The following STXBP3 variants were observed in gnomAD, a reference collection of about 807,000 sequenced individuals.
STXBP3 encodes the protein syntaxin-binding protein 3.
A neutral mutation model predicts 85.7 loss-of-function variants in STXBP3; 41 were observed. The observed-to-expected ratio is 0.48, with a 90% CI of 0.37 to 0.62. The LOEUF (loss-of-function observed/expected upper bound fraction) is 0.62. Ranked by LOEUF, STXBP3 falls within the 20% of genes least tolerant of loss-of-function variation. STXBP3 has a pLI of 0.00. For synonymous variants in STXBP3, 229 were observed against 231.7 expected (o/e 0.99, Z 0.10); for missense variants, 563 against 703.1 (o/e 0.80, Z 2.25).
At chr1:108,753,322 G>A (rs902868134) in intron 3 of STXBP3, 178 bp downstream of exon 3, 4 of 343,964 alleles carry the variant, frequency 1.2e-5, no homozygotes, top group South Asian at 7.6e-5. Flanking sequence ...TCCCTCAGCC[G>A]AGACATATAA....
At chr1:108,782,592 T>C in intron 10 of STXBP3, 57 bp from the exon 11 acceptor site, 2 of 1,599,544 alleles carry the variant, frequency 1.3e-6, no homozygotes, top group South Asian at 2.3e-5. Flanking sequence ...AACCTTAAAA[T>C]AGTTCTGTAA....
At chr1:108,782,583 A>G (rs1334424587) in intron 10 of STXBP3, 66 bp downstream of exon 10, 24 of 1,596,368 alleles carry the variant, frequency 1.5e-5, no homozygotes, top group Non-Finnish European at 2.0e-5. Flanking sequence ...ACATTTTGTA[A>G]CCTTAAAATA....
chr1:108,778,487 A>G (rs1296061670), intron 8 of STXBP3, among the ~76,000 whole-genome samples: 1 of 152,208 alleles, frequency 6.6e-6, no homozygotes, highest in Non-Finnish European at 1.5e-5. Context: ...GCAAACCTGC[A>G]TTTGAATCTC....
chr1:108,799,346 T>G (rs1386494322), intron 16 of STXBP3, among the ~76,000 whole-genome samples: 3 of 152,214 alleles, frequency 2.0e-5, no homozygotes, highest in Non-Finnish European at 4.4e-5. Flanking sequence ...GTTTTTTGTT[T>G]TTTTGTTTTT....
chr1:108,776,215 A>AT (rs1390203152), intron 7 of STXBP3, 118 bp from the exon 8 acceptor site: 8 of 567,476 alleles, frequency 1.4e-5, no homozygotes, highest in Admixed American at 7.2e-5. Context: ...TTATAAAATA[A>AT]TTTTTCATTT....
intron 11 of STXBP3, among the ~76,000 whole-genome samples, chr1:108,783,756 C>T (rs1662772139): frequency 6.6e-6 from 1 of 152,160 alleles, no homozygotes; most frequent in Non-Finnish European, 1.5e-5. Flanking sequence ...CAAAGTGTTT[C>T]AACTGATTTA....
chr1:108,752,921 A>G, intron 2 of STXBP3, 142 bp from the exon 3 acceptor site: 1 of 507,368 alleles, frequency 2.0e-6, no homozygotes, highest in Non-Finnish European at 3.5e-6. Context: ...TAGCTCATGC[A>G]AGATAAAAGA....
intron 16 of STXBP3, 47 bp downstream of exon 16, chr1:108,798,284 A>C: frequency 6.8e-7 from 1 of 1,460,708 alleles, no homozygotes; most frequent in Non-Finnish European, 9.5e-7. Context: ...CCCTCTTTAG[A>C]GTATTCTTTA....
intron 11 of STXBP3, among the ~76,000 whole-genome samples, chr1:108,790,242 T>C (rs540804934): frequency 1.1e-4 from 16 of 152,352 alleles, no homozygotes; most frequent in African/African-American, 3.8e-4. Context: ...TTTGAAGTTA[T>C]ATTAACTGAT....
chr1:108,766,870 A>G (rs1322222341), intron 6 of STXBP3: 4 of 480,550 alleles, frequency 8.3e-6, no homozygotes, highest in Non-Finnish European at 1.7e-5. Flanking sequence ...TGTGGTCTAT[A>G]CTTTGTAAGA....
At chr1:108,759,899 A>T (rs1662101324) in intron 5 of STXBP3, 86 bp from the exon 6 acceptor site, 3 of 789,982 alleles carry the variant, frequency 3.8e-6, no homozygotes, top group Non-Finnish European at 6.2e-6. Flanking sequence ...GTAATTATGT[A>T]TAACTATTCT....
At chr1:108,794,707 A>G (rs964592934) in intron 12 of STXBP3, 120 bp from the exon 13 acceptor site, 1 of 760,134 alleles carries the variant, frequency 1.3e-6, no homozygotes, top group African/African-American at 1.8e-5. Flanking sequence ...CCTTGCTTAC[A>G]TGTTACCTTC....
In STXBP3 at chr1:108,772,763, C is replaced by T. The variant is rs1220763263; in HGVS notation, c.537C>T (p.Asp179=). 6.2e-7 allele frequency: 1 copy of T among 1,604,476 alleles called. No individual in the cohort carries two copies. Among genetic ancestry groups the T allele is most frequent in the Admixed American group, 1.7e-5 (1 of 58,884 alleles). The part of the protein sequence containing the change: ...GKDAIMETMA[D]QIVTVCATLD... ...ATGCCATTATGGAAACAATGGCTGA[C>T]CAGATAGTTACAGTGTGTGCCACCT... is the stretch of plus-strand genomic sequence containing the variant. The change falls in exon 7 of 19, where the codon GAC becomes GAT. Residue 179 remains aspartate, a synonymous_variant. Transcript: ENST00000370008.
intron 8 of STXBP3, among the ~76,000 whole-genome samples, chr1:108,777,306 A>G (rs1759480): frequency 0.26 from 39,085 of 151,948 alleles, 5,423 homozygotes; most frequent in African/African-American, 0.32. Flanking sequence ...CATCCCAAGA[A>G]GAAGAGGCCC....
At chr1:108,797,739 G>T (rs1171328372) in intron 15 of STXBP3, among the ~76,000 whole-genome samples, 1 of 148,784 alleles carries the variant, frequency 6.7e-6, no homozygotes, top group Non-Finnish European at 1.5e-5. Context: ...ATGTGTGTGT[G>T]TGTGTTTTTT....
intron 1 of STXBP3, among the ~76,000 whole-genome samples, chr1:108,747,884 CTT>C (rs1279812512): frequency 3.3e-5 from 5 of 152,144 alleles, no homozygotes; most frequent in African/African-American, 1.2e-4. Flanking sequence ...ACATGGCTGA[CTT>C]AAGATTTGAG....
At chr1:108,777,315 C>A (rs74410302) in intron 8 of STXBP3, among the ~76,000 whole-genome samples, 1 of 151,934 alleles carries the variant, frequency 6.6e-6, no homozygotes, top group Admixed American at 6.6e-5. Flanking sequence ...AAGAAGAGGC[C>A]CTTTAGCTTG....
chr1:108,790,635 C>A (rs539993803), intron 11 of STXBP3, among the ~76,000 whole-genome samples: 91 of 151,492 alleles, frequency 6.0e-4, no homozygotes, highest in Non-Finnish European at 1.2e-3. Context: ...ATATTCTATT[C>A]TTTTCCTTCT....
At chr1:108,772,102 ATATC>A (rs1444843494) in intron 6 of STXBP3, among the ~76,000 whole-genome samples, 1 of 14,820 alleles carries the variant, frequency 6.7e-5, no homozygotes, top group East Asian at 8.8e-4. Flanking sequence ...AATACATATG[ATATC>A]TATCTATATA....
Sources: gnomAD v4.1 joint callset for allele counts (sites outside exome capture counted in the v4.1 genomes callset) on GRCh38, gnomAD v4.1.1 for gene constraint, MANE v1.5 for transcripts, NCBI Gene and HGNC (gene_info 2026-07-23, HGNC 2026-07-21) for gene names.